WDR27: variants seen among roughly 807,000 people sequenced by gnomAD.
The protein encoded by WDR27 is WD repeat-containing protein 27.
In WDR27, 100 loss-of-function variants were observed where a neutral mutation model predicts 114.4. The observed-to-expected ratio is 0.87, with a 90% CI of 0.74 to 1.03. WDR27 has a LOEUF of 1.03. Ranked by LOEUF, WDR27 falls within the 50% of genes least tolerant of loss-of-function variation. The pLI, the probability that WDR27 is intolerant of heterozygous loss-of-function variation, is 0.00. For synonymous variants in WDR27, 449 were observed against 423.1 expected (o/e 1.06, Z -0.75); for missense variants, 1,129 against 1,092.9 (o/e 1.03, Z -0.47).
chr6:169,662,626 G>C (rs1826563650), intron 8 of WDR27, among the ~76,000 whole-genome samples: 1 of 148,806 alleles, frequency 6.7e-6, no homozygotes, highest in South Asian at 2.1e-4. Context: ...GTCGAGGAAA[G>C]CACTAAGGTA....
chr6:169,495,440 G>T (rs564956221), intron 25 of WDR27, among the ~76,000 whole-genome samples: 3 of 151,156 alleles, frequency 2.0e-5, no homozygotes, highest in African/African-American at 7.3e-5. Flanking sequence ...AATGAAATAA[G>T]AAATATTAGA....
At chr6:169,618,936 A>C (rs1414193451) in intron 21 of WDR27, among the ~76,000 whole-genome samples, 9 of 152,216 alleles carry the variant, frequency 5.9e-5, no homozygotes, top group Non-Finnish European at 1.3e-4. Context: ...TTTCCCTTTC[A>C]TTCCATCAAA....
chr6:169,447,826 A>G, the WDR27 span, among the ~76,000 whole-genome samples: 1 of 152,244 alleles, frequency 6.6e-6, no homozygotes, highest in Non-Finnish European at 1.5e-5. Flanking sequence ...AACAATCACT[A>G]ATGTCTATAT....
chr6:169,631,537 G>A (rs1816370648), intron 21 of WDR27, among the ~76,000 whole-genome samples: 4 of 152,222 alleles, frequency 2.6e-5, no homozygotes, highest in East Asian at 1.9e-4. Context: ...GGTGGAATTC[G>A]CTTCCGCAGG....
chr6:169,544,580 A>G (rs1797225974), intron 25 of WDR27, among the ~76,000 whole-genome samples: 1 of 152,058 alleles, frequency 6.6e-6, no homozygotes, highest in Admixed American at 6.5e-5. Context: ...CTGGGACCAC[A>G]GGCACCACCA....
At chr6:169,657,718 G>A (rs1409953413) in intron 13 of WDR27, 2 of 153,052 alleles carry the variant, frequency 1.3e-5, no homozygotes, top group African/African-American at 4.8e-5. Flanking sequence ...GCAACATGTG[G>A]ATTTGTTTGG....
At chr6:169,638,417 A>C in intron 18 of WDR27, 122 bp downstream of exon 18, 3 of 1,332,128 alleles carry the variant, frequency 2.3e-6, no homozygotes, top group Non-Finnish European at 3.0e-6. Flanking sequence ...TTATTGCATT[A>C]AAGCAAACTC....
intron 16 of WDR27, among the ~76,000 whole-genome samples, chr6:169,647,492 C>T (rs114689224): frequency 0.02 from 2,971 of 152,274 alleles, 91 homozygotes; most frequent in African/African-American, 0.066. Flanking sequence ...AGAGCAAACC[C>T]CGGAGGAGCT....
intron 25 of WDR27, among the ~76,000 whole-genome samples, chr6:169,496,124 A>G (rs1790371973): frequency 6.6e-6 from 1 of 152,164 alleles, no homozygotes; most frequent in Non-Finnish European, 1.5e-5. Context: ...ACAAAAATCA[A>G]TTAACATAGT....
chr6:169,478,499 T>C (rs28649294), intron 25 of WDR27, among the ~76,000 whole-genome samples: 1,982 of 152,176 alleles, frequency 0.013, 41 homozygotes, highest in African/African-American at 0.041. Context: ...TACTTTATTA[T>C]GAAGAATTAT....
intron 25 of WDR27, among the ~76,000 whole-genome samples, chr6:169,497,698 T>A (rs1379937163): frequency 6.6e-6 from 1 of 152,028 alleles, no homozygotes; most frequent in Non-Finnish European, 1.5e-5. Context: ...AAAACTACAA[T>A]GAGATTGTAC....
chr6:169,610,060 G>C (rs1000234319), intron 22 of WDR27, among the ~76,000 whole-genome samples: 1 of 152,074 alleles, frequency 6.6e-6, no homozygotes, highest in African/African-American at 2.4e-5. Context: ...CTCCATCTGA[G>C]ACCACCTCAG....
the WDR27 span, among the ~76,000 whole-genome samples, chr6:169,430,356 G>A: frequency 6.6e-6 from 1 of 152,212 alleles, no homozygotes; most frequent in Non-Finnish European, 1.5e-5. Flanking sequence ...CTTTGACACA[G>A]GACCAGACGG....
chr6:169,665,587 TTG>T, intron 6 of WDR27, 31 bp from the exon 7 acceptor site: 1 of 1,605,912 alleles, frequency 6.2e-7, no homozygotes, highest in Non-Finnish European at 8.5e-7. Context: ...AAATTTAGCT[TTG>T]TAAGTGCCTG....
At chr6:169,615,259 G>A (rs150295979) in intron 21 of WDR27, among the ~76,000 whole-genome samples, 5 of 152,164 alleles carry the variant, frequency 3.3e-5, no homozygotes, top group Non-Finnish European at 5.9e-5. Flanking sequence ...AGGGGTACAC[G>A]TGTGGGTTTG....
chr6:169,513,912 C>T (rs1793271973), intron 25 of WDR27, among the ~76,000 whole-genome samples: 1 of 152,156 alleles, frequency 6.6e-6, no homozygotes, highest in Non-Finnish European at 1.5e-5. Flanking sequence ...GAGGAAAAAG[C>T]AGCACTTCTG....
At chr6:169,577,338 G>GC (rs777031326) in intron 24 of WDR27, among the ~76,000 whole-genome samples, 17 of 152,260 alleles carry the variant, frequency 1.1e-4, no homozygotes, top group Non-Finnish European at 1.9e-4. Context: ...CAGGAATGGC[G>GC]CCCCCCGATG....
At chr6:169,587,214 C>CTTTT (rs770797963) in intron 23 of WDR27, among the ~76,000 whole-genome samples, 1 of 115,702 alleles carries the variant, frequency 8.6e-6, no homozygotes, top group Non-Finnish European at 1.8e-5. Context: ...CAAGGATTTT[C>CTTTT]TTTTTTTTTT....
the WDR27 span, among the ~76,000 whole-genome samples, chr6:169,436,702 G>C: frequency 6.6e-6 from 1 of 151,928 alleles, no homozygotes; most frequent in Non-Finnish European, 1.5e-5. Context: ...TTAAATCATA[G>C]ACATTGATAA....
Sources: allele counts gnomAD v4.1 joint callset (sites outside exome capture counted in the v4.1 genomes callset), GRCh38; gene constraint gnomAD v4.1.1; transcripts MANE v1.5; gene names NCBI Gene and HGNC (gene_info 2026-07-23, HGNC 2026-07-21).